Variants in PGR observed in about 807,000 individuals in gnomAD.
PGR encodes progesterone receptor.
A neutral mutation model predicts 76.1 loss-of-function variants in PGR; 25 were observed. The ratio of observed to expected loss-of-function variants is 0.33; its 90% CI spans 0.24 to 0.46. The LOEUF (loss-of-function observed/expected upper bound fraction) is 0.46. PGR is among the 20% of genes least tolerant of loss of function. The pLI is 1.00. For missense variants in PGR, 1,172 were observed against 1,225.3 expected, an observed-to-expected ratio of 0.96 and a Z score of 0.65; for synonymous variants, 579 against 535.0, an observed-to-expected ratio of 1.08 and a Z score of -1.14.
intron 3 of PGR, among the ~76,000 whole-genome samples, chr11:101,087,309 T>A (rs1160230386): frequency 6.6e-6 from 1 of 152,082 alleles, no homozygotes; most frequent in East Asian, 1.9e-4. Context: ...TTTGACAATG[T>A]TGACAAAAAT....
At chr11:101,080,276 G>A (rs1033956157) in intron 3 of PGR, among the ~76,000 whole-genome samples, 18 of 152,116 alleles carry the variant, frequency 1.2e-4, no homozygotes, top group Non-Finnish European at 2.2e-4. Context: ...TTACCTATAC[G>A]TGCCGCCTAT....
intron 2 of PGR, among the ~76,000 whole-genome samples, chr11:101,092,602 C>CT (rs779887867): frequency 6.6e-6 from 1 of 152,096 alleles, no homozygotes; most frequent in African/African-American, 2.4e-5. Flanking sequence ...GTAGAGGAAA[C>CT]TATGGATGCC....
intron 2 of PGR, among the ~76,000 whole-genome samples, chr11:101,122,628 AAT>A (rs1862714566): frequency 6.6e-6 from 1 of 152,230 alleles, no homozygotes; most frequent in Non-Finnish European, 1.5e-5. Flanking sequence ...GTTTTTGGCC[AAT>A]ACTATATCCT....
intron 3 of PGR, among the ~76,000 whole-genome samples, chr11:101,085,525 TAAAA>T (rs1212568882): frequency 1.6e-3 from 66 of 42,272 alleles, no homozygotes; most frequent in African/African-American, 7.0e-3. Flanking sequence ...CTAGAGGAAC[TAAAA>T]AAAAAAAAAA....
intron 6 of PGR, among the ~76,000 whole-genome samples, chr11:101,047,816 C>T (rs1859944784): frequency 6.6e-6 from 1 of 152,070 alleles, no homozygotes; most frequent in South Asian, 2.1e-4. Flanking sequence ...TTTGCCCACC[C>T]AGACCCTTGG....
chr11:101,127,613 G>C lies in PGR; in HGVS notation c.1458C>G (p.Ser486Arg). ...GGCCGTCCCGCGGGAGCAGGCAGCCGCTCGCGCCCGGCGCCTTGCAGGGCG... is the reference window on the plus strand; with the variant it reads ...GGCCGTCCCGCGGGAGCAGGCAGCCCCTCGCGCCCGGCGCCTTGCAGGGCG... ...APPPCKAPGA[S>R]GCLLPRDGLP... Residue 486 changes from serine (S) to arginine (R), a missense_variant, in exon 1 of 8, where the codon AGC (serine) becomes AGG (arginine). Coordinates refer to ENST00000325455, the MANE Select transcript of PGR (RefSeq NM_000926.4). 1 of 1,305,024 alleles carries C rather than the reference G, an allele frequency of 7.7e-7. No individual in the cohort carries two copies. The highest frequency in any genetic ancestry group is 9.7e-7 in the Non-Finnish European group (1 of 1,036,192). 80.8% of individuals were successfully genotyped at this position (1,305,024 alleles called of 1,614,324 possible).
intron 3 of PGR, among the ~76,000 whole-genome samples, chr11:101,088,525 G>A (rs999684693): frequency 4.6e-5 from 7 of 151,932 alleles, no homozygotes; most frequent in Non-Finnish European, 7.4e-5. Flanking sequence ...GTAGAGACGG[G>A]GTTTCACTGT....
chr11:101,119,575 G>A (rs17730706), intron 2 of PGR, among the ~76,000 whole-genome samples: 5,425 of 152,196 alleles, frequency 0.036, 141 homozygotes, highest in Non-Finnish European at 0.056. Context: ...GGAGTCACTC[G>A]AATAAATACT....
intron 3 of PGR, among the ~76,000 whole-genome samples, chr11:101,085,025 C>G (rs771295876): frequency 6.6e-5 from 10 of 152,278 alleles, no homozygotes; most frequent in Non-Finnish European, 1.3e-4. Flanking sequence ...AGCATTAGAT[C>G]ATCAAGGCAG....
At position 101,128,230 on chromosome 11, in the gene PGR, C is replaced by T. The variant is rs962335075; in HGVS notation, c.841G>A (p.Ala281Thr). 3 of 1,596,804 alleles carry T rather than the reference C, an allele frequency of 1.9e-6. No individual in the cohort carries two copies. Among genetic ancestry groups the T allele is most frequent in the Non-Finnish European group, 2.5e-6 (3 of 1,178,560 alleles). The change falls in exon 1 of 8, where the codon GCC becomes ACC. Residue 281 changes from alanine (A) to threonine (T), a missense_variant. Coordinates refer to ENST00000325455, the MANE Select transcript of PGR (RefSeq NM_000926.4). ...ATCGGCGCGTCCTGCTCCACCAGGGCGACCCTGGGCGCTGAGAAGCGGGAA... is the reference window on the plus strand; with the variant it reads ...ATCGGCGCGTCCTGCTCCACCAGGGTGACCCTGGGCGCTGAGAAGCGGGAA... ...EDSRFSAPRV[A>T]LVEQDAPMAP...
chr11:101,097,070 G>A (rs184783454), intron 2 of PGR, among the ~76,000 whole-genome samples: 32 of 152,276 alleles, frequency 2.1e-4, no homozygotes, highest in Non-Finnish European at 3.7e-4. Flanking sequence ...TGCATCATCT[G>A]CCCCTGTTGA....
intron 3 of PGR, among the ~76,000 whole-genome samples, chr11:101,074,374 T>A (rs1016296074): frequency 6.6e-6 from 1 of 152,166 alleles, no homozygotes; most frequent in African/African-American, 2.4e-5. Context: ...AATATCATAA[T>A]GAATAGGCAA....
intron 2 of PGR, among the ~76,000 whole-genome samples, chr11:101,093,768 C>G (rs938419940): frequency 6.6e-6 from 1 of 152,174 alleles, no homozygotes; most frequent in Non-Finnish European, 1.5e-5. Context: ...AAGGTTTTCT[C>G]TATACAGAAA....
At chr11:101,056,670 T>C (rs950867522) in intron 4 of PGR, among the ~76,000 whole-genome samples, 4 of 150,220 alleles carry the variant, frequency 2.7e-5, no homozygotes, top group African/African-American at 9.8e-5. Flanking sequence ...AGATGGCCTG[T>C]ATGACAGTAC....
At chr11:101,072,169 T>C (rs917131395) in intron 3 of PGR, among the ~76,000 whole-genome samples, 3 of 152,166 alleles carry the variant, frequency 2.0e-5, no homozygotes, top group African/African-American at 7.2e-5. Flanking sequence ...TGGAGGCCAA[T>C]ATTCAACATT....
rs1283697257 is a variant in PGR, at chr11:101,128,934, G to A, written c.137C>T (p.Pro46Leu). 1 of 1,612,250 alleles carries A rather than the reference G, an allele frequency of 6.2e-7. No homozygotes were observed. The highest frequency in any genetic ancestry group is 8.5e-7 in the Non-Finnish European group (1 of 1,178,750). ...FPGSQTSDTL[P>L]EVSAIPISLD... The stretch of plus-strand genomic sequence containing the variant: ...GGAGATAGGTATGGCCGAAACTTCA[G>A]GCAAGGTGTCCGAGGTCTGGCTCCC... Residue 46 changes from proline (P) to leucine (L), a missense_variant, in exon 1 of 8, where the codon CCT becomes CTT. Pro to Leu is a moderately conservative substitution (Grantham distance 98). Coordinates refer to ENST00000325455, the MANE Select transcript of PGR (RefSeq NM_000926.4).
intron 6 of PGR, among the ~76,000 whole-genome samples, chr11:101,044,723 T>C (rs1859805525): frequency 1.5e-5 from 2 of 130,646 alleles, no homozygotes; most frequent in Non-Finnish European, 3.1e-5. Context: ...TTTTTTTTTT[T>C]TGACACAGGG....
At position 101,037,060 on chromosome 11, in the gene PGR, G is replaced by A. The variant is rs1423516702; in HGVS notation, c.*2056C>T. The stretch of plus-strand genomic sequence containing the variant: ...TCACTCTCACAGAGGTAGATTTCCT[G>A]TAACTATTATATTTGGGAGATGTTA... On this transcript the variant is annotated 3_prime_UTR_variant, in exon 8 of 8. Transcript: ENST00000325455. 2 of 191,448 alleles carry A rather than the reference G, an allele frequency of 1.0e-5. No individual in the cohort carries two copies. Among genetic ancestry groups the A allele is most frequent in the African/African-American group, 2.3e-5 (1 of 43,068 alleles). 11.9% of individuals were successfully genotyped at this position (191,448 alleles called of 1,614,324 possible).
At chr11:101,079,521 C>T (rs1329680030) in intron 3 of PGR, among the ~76,000 whole-genome samples, 1 of 151,820 alleles carries the variant, frequency 6.6e-6, no homozygotes, top group Non-Finnish European at 1.5e-5. Flanking sequence ...AAATGCTCAA[C>T]ATCACTAATC....
Sources: allele counts gnomAD v4.1 joint callset (sites outside exome capture counted in the v4.1 genomes callset), GRCh38; gene constraint gnomAD v4.1.1; transcripts MANE v1.5; gene names NCBI Gene and HGNC (gene_info 2026-07-23, HGNC 2026-07-21).